Variants in BFSP1 observed in about 807,000 individuals in gnomAD.
The protein encoded by BFSP1 is beaded filament structural protein 1.
BFSP1 carries 38 observed loss-of-function variants against 43.9 expected under a neutral mutation model. The observed-to-expected ratio is 0.87, with a 90% confidence interval of 0.67 to 1.14. The LOEUF is 1.14. Among genes scored for constraint, BFSP1 ranks in the 50% most tolerant of loss-of-function variants. The pLI, the probability that BFSP1 is intolerant of heterozygous loss-of-function variation, is 0.00. For synonymous variants in BFSP1, 352 were observed against 354.8 expected (o/e 0.99, Z 0.09); for missense variants, 850 against 875.1 (o/e 0.97, Z 0.36).
Position 17,499,077 on chromosome 20 carries a change from C to G in BFSP1, c.736-37G>C, listed in dbSNP as rs1203161520. The G allele has an allele frequency of 3.8e-6, 6 of 1,590,986 alleles. No homozygotes were observed. In the South Asian group the frequency reaches 6.6e-5, roughly 18 times the overall value. ...GACACGCTGTAAGAAAATCCATCCC[C>G]CTTCTTCTCTAAGAGACAGACCTCA... On this transcript the variant is annotated intron_variant, in intron 5 of 7. Transcript: ENST00000377873.
At chr20:17,506,257 C>T (rs2033934453) in intron 5 of BFSP1, among the ~76,000 whole-genome samples, 1 of 152,176 alleles carries the variant, frequency 6.6e-6, no homozygotes, top group East Asian at 1.9e-4. Context: ...AGCCTCTGGA[C>T]AAGGGCCCAG....
chr20:17,568,220 G>A (rs1415939915), intron 1 of BFSP1, among the ~76,000 whole-genome samples: 1 of 152,104 alleles, frequency 6.6e-6, no homozygotes, highest in Admixed American at 6.6e-5. Context: ...GGTTATGGAG[G>A]AAGCCACAGC....
rs1015256122 is a variant in BFSP1, at chr20:17,507,655, C to A, written c.735+1234G>T. Among the ~76,000 whole-genome samples the A allele has an allele frequency of 3.3e-5, 5 of 151,994 alleles. No individual in the cohort carries two copies. Among genetic ancestry groups the A allele is most frequent in the African/African-American group, 9.7e-5 (4 of 41,384 alleles). On this transcript the variant is annotated intron_variant, in intron 5 of 7. Coordinates refer to ENST00000377873, the MANE Select transcript of BFSP1 (RefSeq NM_001195.5). This position sits in a 1 kb window ranked among gnomAD's most constrained non-coding sequence, Gnocchi z 4.4. ...TACCATGTATATCACACACACACAC[C>A]CCATGTACACAAACACATACAACCC...
intron 1 of BFSP1, among the ~76,000 whole-genome samples, chr20:17,541,757 T>C (rs1209321408): frequency 6.6e-6 from 1 of 152,138 alleles, no homozygotes; most frequent in Non-Finnish European, 1.5e-5. Context: ...CCAAGTTGGA[T>C]ATGGGTTGCT....
chr20:17,517,311 CTGTA>C lies in BFSP1; in HGVS notation c.439-2499_439-2496del, dbSNP rs2034220386. The C allele has an allele frequency of 3.3e-6, 4 of 1,199,826 alleles. No homozygotes were observed. The Admixed American group carries it at 6.8e-5, about 20-fold the overall frequency. The allele number at this position is 1,199,826 out of a possible 1,614,324, so 74.3% of individuals were successfully genotyped here. A position where few individuals can be genotyped will look rare whatever the true frequency, so the allele number is the denominator to read the frequency against. On this transcript the variant is annotated intron_variant, in intron 2 of 7. Transcript: ENST00000377873. ...CTTCAACAAACCAGAAGACAAGGAACTGTATGAGTTAATAAAAGACATGAACTAA... is the reference window on the plus strand; with the variant it reads ...CTTCAACAAACCAGAAGACAAGGAACTGAGTTAATAAAAGACATGAACTAA...
chr20:17,513,073 C>T (rs1600650062), intron 3 of BFSP1, among the ~76,000 whole-genome samples: 1 of 152,150 alleles, frequency 6.6e-6, no homozygotes, highest in South Asian at 2.1e-4. Flanking sequence ...ACTGACAGCA[C>T]AGGAGTACAA....
rs541390164 is a variant in BFSP1, at chr20:17,507,441, C to T, written c.735+1448G>A. ...CATTTTGTTGACTTCCTTTTACATG[C>T]CAGTCAATTCTACTGAGTTCATTTT... is the stretch of plus-strand genomic sequence containing the variant. On this transcript the variant is annotated intron_variant, in intron 5 of 7. Coordinates refer to ENST00000377873, the MANE Select transcript of BFSP1 (RefSeq NM_001195.5). The surrounding 1 kb of genome is among the most constrained non-coding windows in gnomAD (Gnocchi z 4.4). Among the ~76,000 whole-genome samples, 33 of 152,186 alleles carry T rather than the reference C, an allele frequency of 2.2e-4. No homozygotes were observed. Among genetic ancestry groups the T allele is most frequent in the African/African-American group, 7.7e-4 (32 of 41,500 alleles).
intron 1 of BFSP1, among the ~76,000 whole-genome samples, chr20:17,530,645 T>C (rs909014936): frequency 1.3e-5 from 2 of 152,266 alleles, no homozygotes; most frequent in Non-Finnish European, 2.9e-5. Flanking sequence ...CACGGGTATA[T>C]ACATTTGTCA....
In BFSP1 at chr20:17,531,296, T is replaced by C; in HGVS notation, c.34A>G (p.Lys12Glu). Residue 12 changes from lysine (K) to glutamate (E), a missense_variant, in exon 1 of 8, where the codon AAG (lysine) becomes GAG (glutamate). Transcript: ENST00000377873. The part of the protein sequence containing the change: ...YRRSYVFQTR[K>E]EQYEHADEAS... Reference sequence around the variant, plus strand: ...TCGTCGGCGTGCTCGTACTGCTCCTTGCGGGTCTGGAAGACGTAGCTGCGC... The same window carrying C: ...TCGTCGGCGTGCTCGTACTGCTCCTCGCGGGTCTGGAAGACGTAGCTGCGC... 6.8e-7 allele frequency: 1 copy of C among 1,474,684 alleles called. No individual in the cohort carries two copies. The highest frequency in any genetic ancestry group is 1.3e-5 in the South Asian group (1 of 77,384). 91.3% of individuals were successfully genotyped at this position (1,474,684 alleles called of 1,614,324 possible). A position where few individuals can be genotyped will look rare whatever the true frequency, so the allele number is the denominator to read the frequency against.
chr20:17,553,295 GTGGTGGGGAAGAAACTATGAGGATGAAA>G (rs2034924705), intron 1 of BFSP1, among the ~76,000 whole-genome samples: 1 of 152,188 alleles, frequency 6.6e-6, no homozygotes, highest in Non-Finnish European at 1.5e-5. Context: ...TTTCAGGAAA[GTGGTGGGGAAGAAACTATGAGGATGAAA>G]TGCCAAACTC....
intron 6 of BFSP1, among the ~76,000 whole-genome samples, chr20:17,497,786 T>C (rs2033691395): frequency 6.6e-6 from 1 of 152,098 alleles, no homozygotes. Flanking sequence ...AGGAGTTCCT[T>C]GTTCTATTCT....
intron 1 of BFSP1, among the ~76,000 whole-genome samples, chr20:17,551,917 A>G (rs1466166790): frequency 6.6e-6 from 1 of 151,606 alleles, no homozygotes; most frequent in Non-Finnish European, 1.5e-5. Context: ...CCCAGGAGGC[A>G]GAGGTTGCAG....
chr20:17,556,484 C>G (rs377426365), intron 1 of BFSP1, among the ~76,000 whole-genome samples: 6 of 151,964 alleles, frequency 3.9e-5, no homozygotes, highest in African/African-American at 1.5e-4. Context: ...GGGTGACAGA[C>G]TGACAGCCTA....
rs1363137129 is a variant in BFSP1 at position 17,494,665 on chromosome 20, C to A, written c.1407G>T (p.Arg469=). 4 of 1,614,066 alleles carry A rather than the reference C, an allele frequency of 2.5e-6. No individual in the cohort carries two copies. In the African/African-American group the frequency reaches 4.0e-5, roughly 16 times the overall value. Residue 469 remains arginine, a synonymous_variant, in exon 8 of 8, where the codon CGG becomes CGT. Coordinates refer to ENST00000377873, the MANE Select transcript of BFSP1 (RefSeq NM_001195.5). ...ETPTELYTKE[R]HVLVTGDANY... is the part of the protein sequence containing the mutation. Reference sequence around the variant, plus strand: ...TGGCATCCCCTGTGACCAGCACGTGCCGCTCTTTGGTGTAGAGCTCAGTGG... The same window carrying A: ...TGGCATCCCCTGTGACCAGCACGTGACGCTCTTTGGTGTAGAGCTCAGTGG...
chr20:17,500,793 T>C (rs2033779621), intron 5 of BFSP1, among the ~76,000 whole-genome samples: 1 of 152,014 alleles, frequency 6.6e-6, no homozygotes, highest in Non-Finnish European at 1.5e-5. Flanking sequence ...TCAAGAAGCT[T>C]AAAAAAAATT....
chr20:17,531,197 G>C lies in BFSP1; in HGVS notation c.133C>G (p.Gln45Glu), dbSNP rs761942068. The C allele has an allele frequency of 1.5e-6, 2 of 1,308,946 alleles. No individual in the cohort carries two copies. The highest frequency in any genetic ancestry group is 4.2e-5 in the South Asian group (2 of 47,822). The allele number at this position is 1,308,946 out of a possible 1,614,324, so 81.1% of individuals were successfully genotyped here. ...GCGGCCACGCGCTCGCCGAGCCCCT[G>C]CAGCGCCGCCAGGCTCGTTGCCCCA... ...WAGATSLAAL[Q>E]GLGERVAAHV... Residue 45 changes from glutamine (Q) to glutamate (E), a missense_variant, in exon 1 of 8, where the codon CAG becomes GAG. Coordinates refer to ENST00000377873, the MANE Select transcript of BFSP1 (RefSeq NM_001195.5).
chr20:17,545,085 A>G (rs963152765), intron 1 of BFSP1, among the ~76,000 whole-genome samples: 1 of 152,258 alleles, frequency 6.6e-6, no homozygotes, highest in Non-Finnish European at 1.5e-5. Flanking sequence ...AGAAATTGAC[A>G]TGAGGACAAA....
At position 17,525,006 on chromosome 20, in the gene BFSP1, C is replaced by T. The variant is rs968222273; in HGVS notation, c.378-98G>A. ...TTAAATTCAACCTGGGTACGATGCC[C>T]TCTCCTTTAAGGAGAGGGTCTTAAT... On this transcript the variant is annotated intron_variant, in intron 1 of 7. Transcript: ENST00000377873. This position sits in a 1 kb window ranked among gnomAD's most constrained non-coding sequence, Gnocchi z 4.2. The T allele has an allele frequency of 4.6e-5, 49 of 1,074,894 alleles. No individual in the cohort carries two copies. The Admixed American group carries it at 8.4e-4, about 18-fold the overall frequency. The allele number at this position is 1,074,894 out of a possible 1,614,324, so 66.6% of individuals were successfully genotyped here. A position where few individuals can be genotyped will look rare whatever the true frequency, so the allele number is the denominator to read the frequency against.
intron 1 of BFSP1, among the ~76,000 whole-genome samples, chr20:17,555,240 T>G (rs1300711394): frequency 6.9e-6 from 1 of 145,046 alleles, no homozygotes; most frequent in Non-Finnish European, 1.5e-5. Context: ...TGAGCTGTGT[T>G]CGTGCTGTTG....
Sources: allele counts gnomAD v4.1 joint callset (sites outside exome capture counted in the v4.1 genomes callset), GRCh38; gene constraint gnomAD v4.1.1; non-coding constraint Gnocchi (gnomAD v3.1); transcripts MANE v1.5; gene names NCBI Gene and HGNC (gene_info 2026-07-23, HGNC 2026-07-21).